Variants in ZBTB34 observed in about 807,000 individuals in gnomAD.
The protein encoded by ZBTB34 is zinc finger and BTB domain-containing protein 34.
ZBTB34 carries 1 observed loss-of-function variant against 33.4 expected under a neutral mutation model. The ratio of observed to expected loss-of-function variants is 0.03; its 90% CI spans 0.01 to 0.14. The LOEUF is 0.14. Ranked by LOEUF, ZBTB34 falls within the 10% of genes least tolerant of loss-of-function variation. The pLI is 1.00. For missense variants in ZBTB34, 406 were observed against 657.2 expected (o/e 0.62, Z 4.18); for synonymous variants, 283 against 253.5 (o/e 1.12, Z -1.11).
At chr9:126,861,565 A>C (rs939667609) in intron 1 of ZBTB34, among the ~76,000 whole-genome samples, 5 of 152,212 alleles carry the variant, frequency 3.3e-5, no homozygotes, top group Admixed American at 6.5e-5. Flanking sequence ...GATACTGGGC[A>C]GTTTCGCTGA....
chr9:126,883,817 T>TGAACA (rs2033479288), exon 2 of ZBTB34: 1 of 167,114 alleles, frequency 6.0e-6, no homozygotes, highest in Non-Finnish European at 1.5e-5. Flanking sequence ...CTGTCATGCT[T>TGAACA]CCCAGGGGTG....
rs1224934152 is a variant in ZBTB34, at chr9:126,880,865, G to A, written c.1466G>A (p.Gly489Asp). The change falls in exon 2 of 2, where the codon GGC (glycine) becomes GAC (aspartate). Residue 489 changes from glycine to aspartate, a missense_variant. Transcript: ENST00000319119. The surrounding 1 kb of genome is among the most constrained non-coding windows in gnomAD (Gnocchi z 6.7). Reference sequence around the variant, plus strand: ...AATGACGCATCGGCCTCAGAGATGGGCCTAGATTCCCGGATGGAAATTCAC... The same window carrying A: ...AATGACGCATCGGCCTCAGAGATGGACCTAGATTCCCGGATGGAAATTCAC... 1 of 1,613,180 alleles carries A rather than the reference G, an allele frequency of 6.2e-7. No individual in the cohort carries two copies. The highest frequency in any genetic ancestry group is 2.2e-5 in the East Asian group (1 of 44,872).
chr9:126,874,947 C>T (rs1265418508), intron 1 of ZBTB34, among the ~76,000 whole-genome samples: 1 of 152,174 alleles, frequency 6.6e-6, no homozygotes, highest in Non-Finnish European at 1.5e-5. Context: ...ATCCCTAGTG[C>T]CTGACACTTA....
intron 1 of ZBTB34, among the ~76,000 whole-genome samples, chr9:126,874,994 C>G (rs1168135843): frequency 6.6e-6 from 1 of 152,204 alleles, no homozygotes; most frequent in Non-Finnish European, 1.5e-5. Flanking sequence ...CCCAATCACA[C>G]ATTTTGACAT....
At chr9:126,873,337 C>G (rs1007747255) in intron 1 of ZBTB34, among the ~76,000 whole-genome samples, 1 of 152,132 alleles carries the variant, frequency 6.6e-6, no homozygotes, top group Non-Finnish European at 1.5e-5. Context: ...AATCTCAGCT[C>G]ATTGTAACCT....
intron 1 of ZBTB34, among the ~76,000 whole-genome samples, chr9:126,862,289 T>C (rs1289217155): frequency 6.6e-6 from 1 of 152,182 alleles, no homozygotes; most frequent in Non-Finnish European, 1.5e-5. Context: ...GGGCCGCGGC[T>C]AGTTCCTCAA....
intron 1 of ZBTB34, among the ~76,000 whole-genome samples, chr9:126,874,485 C>A (rs1452260632): frequency 6.6e-6 from 1 of 152,078 alleles, no homozygotes; most frequent in African/African-American, 2.4e-5. Flanking sequence ...GTTCTGGTAT[C>A]TTTGTGTGCT....
intron 1 of ZBTB34, among the ~76,000 whole-genome samples, chr9:126,869,550 G>GGC (rs980686577): frequency 6.6e-6 from 1 of 152,112 alleles, no homozygotes; most frequent in Non-Finnish European, 1.5e-5. Flanking sequence ...TGGCAGCAGG[G>GGC]GCAGTCATCC....
rs2119231512 is a variant in ZBTB34, at chr9:126,879,372, A to T, written c.-10-18A>T. On this transcript the variant is annotated intron_variant, in intron 1 of 1. Coordinates refer to ENST00000319119, the Ensembl canonical transcript of ZBTB34. This position sits in a 1 kb window ranked among gnomAD's most constrained non-coding sequence, Gnocchi z 6.4. ...TGAGGAGTCATTGGTGAATGATGCA[A>T]ACTCTCTCTCTCCGCAGAGTACGCT... The T allele has an allele frequency of 1.3e-6, 2 of 1,570,366 alleles. No homozygotes were observed. Among genetic ancestry groups the T allele is most frequent in the Middle Eastern group, 3.4e-4 (2 of 5,848 alleles).
Position 126,880,970 on chromosome 9 carries a change from T to A in ZBTB34, c.*56T>A. Reference sequence around the variant, plus strand: ...CATTAATCAATGCATATTTGTGATTTGCTTTGTTGTAATCTTTGGTTTTCC... The same window carrying A: ...CATTAATCAATGCATATTTGTGATTAGCTTTGTTGTAATCTTTGGTTTTCC... On this transcript the variant is annotated 3_prime_UTR_variant, in exon 2 of 2. Transcript: ENST00000319119. The surrounding 1 kb of genome is among the most constrained non-coding windows in gnomAD (Gnocchi z 6.7). The A allele has an allele frequency of 6.6e-7, 1 of 1,510,792 alleles. No homozygotes were observed. The highest frequency in any genetic ancestry group is 1.3e-5 in the South Asian group (1 of 75,850). The allele number at this position is 1,510,792 out of a possible 1,614,324, so 93.6% of individuals were successfully genotyped here.
intron 1 of ZBTB34, among the ~76,000 whole-genome samples, chr9:126,871,143 G>A (rs575948270): frequency 1.4e-4 from 21 of 151,792 alleles, no homozygotes; most frequent in African/African-American, 5.1e-4. Flanking sequence ...TGAGGCTACA[G>A]ATTTACTTAC....
chr9:126,877,887 C>A (rs374502771), intron 1 of ZBTB34, among the ~76,000 whole-genome samples: 10 of 151,882 alleles, frequency 6.6e-5, no homozygotes, highest in African/African-American at 2.2e-4. Flanking sequence ...CGCCTGTAGT[C>A]CAGCTACTCA....
intron 1 of ZBTB34, among the ~76,000 whole-genome samples, chr9:126,873,687 C>T (rs1433142085): frequency 1.3e-5 from 2 of 152,134 alleles, no homozygotes; most frequent in Non-Finnish European, 2.9e-5. Context: ...TCACTGCAAC[C>T]TCCGCCTCCC....
exon 2 of ZBTB34, chr9:126,883,870 A>G (rs2033480600): frequency 1.2e-5 from 2 of 167,094 alleles, no homozygotes; most frequent in Admixed American, 1.3e-4. Context: ...GGCAGCAGCA[A>G]TTAATTGTGC....
intron 1 of ZBTB34, among the ~76,000 whole-genome samples, chr9:126,875,089 C>T (rs551596685): frequency 6.6e-6 from 1 of 152,334 alleles, no homozygotes; most frequent in East Asian, 1.9e-4. Flanking sequence ...CCACTGACCA[C>T]AGGCGACTGT....
chr9:126,883,035 G>A (rs892247378), exon 2 of ZBTB34: 1 of 166,948 alleles, frequency 6.0e-6, no homozygotes, highest in Non-Finnish European at 1.5e-5. Context: ...AACTGCCTAA[G>A]TAGGGGTTCG....
chr9:126,861,540 C>T (rs1446087860), intron 1 of ZBTB34, among the ~76,000 whole-genome samples: 1 of 152,208 alleles, frequency 6.6e-6, no homozygotes. Flanking sequence ...ATTGGAAGGG[C>T]TGTCCCTGAT....
chr9:126,869,525 G>A (rs1417207480), intron 1 of ZBTB34, among the ~76,000 whole-genome samples: 2 of 152,148 alleles, frequency 1.3e-5, no homozygotes. Flanking sequence ...AAGTAGAGGG[G>A]GAGGCTGAGG....
intron 1 of ZBTB34, among the ~76,000 whole-genome samples, chr9:126,870,125 T>C (rs1015392684): frequency 1.3e-5 from 2 of 152,242 alleles, no homozygotes; most frequent in Non-Finnish European, 1.5e-5. Context: ...CTATGATTAA[T>C]CTCCTGAATT....
Sources: gnomAD v4.1 joint callset for allele counts (sites outside exome capture counted in the v4.1 genomes callset) on GRCh38, gnomAD v4.1.1 for gene constraint, Gnocchi (gnomAD v3.1) non-coding constraint, MANE v1.5 for transcripts, NCBI Gene and HGNC (gene_info 2026-07-23, HGNC 2026-07-21) for gene names.